The following DSTYK variants were observed in gnomAD, a reference collection of about 807,000 sequenced individuals.
DSTYK encodes dual serine/threonine and tyrosine protein kinase, also known as RIP-homologous kinase.
Under a neutral mutation model 98.7 loss-of-function variants are expected in DSTYK, and 34 were observed. That is an observed-to-expected ratio of 0.34 (90% CI 0.26 to 0.46). The LOEUF is 0.46. DSTYK is among the 20% of genes least tolerant of loss of function. The probability of loss-of-function intolerance (pLI) is 1.00; values close to 1 mark genes in which losing one functional copy is unlikely to be tolerated. For missense variants in DSTYK, 962 were observed against 1,181.7 expected (o/e 0.81, Z 2.73); for synonymous variants, 462 against 457.3 (o/e 1.01, Z -0.13).
intron 1 of DSTYK, chr1:205,202,129 G>A: frequency 2.0e-6 from 1 of 497,482 alleles, no homozygotes. Flanking sequence ...GGAAGGGAAG[G>A]GAAGGGGAAG....
At chr1:205,168,512 A>T (rs533556740) in intron 3 of DSTYK, among the ~76,000 whole-genome samples, 1 of 152,296 alleles carries the variant, frequency 6.6e-6, no homozygotes, top group African/African-American at 2.4e-5. Context: ...CTCCCAAGGG[A>T]TTAGGATACT....
chr1:205,198,834 CTTTT>C (rs5780273), intron 1 of DSTYK, among the ~76,000 whole-genome samples: 3 of 128,204 alleles, frequency 2.3e-5, no homozygotes, highest in Non-Finnish European at 1.6e-5. Context: ...GGCACTAAAG[CTTTT>C]TTTTTTTTTT....
At chr1:205,148,409 C>T (rs1657308064) in intron 11 of DSTYK, 70 bp from the exon 12 acceptor site, 11 of 1,593,086 alleles carry the variant, frequency 6.9e-6, no homozygotes, top group Middle Eastern at 3.3e-4. Context: ...ACCACCTTGC[C>T]TCAGTAGAGG....
chr1:205,202,507 T>C (rs552253181), intron 1 of DSTYK: 1 of 865,452 alleles, frequency 1.2e-6, no homozygotes, highest in East Asian at 2.4e-5. Context: ...ACTTAAGGGT[T>C]TAGATGTAGA....
intron 1 of DSTYK, among the ~76,000 whole-genome samples, chr1:205,195,456 C>G (rs1658838707): frequency 6.6e-6 from 1 of 152,196 alleles, no homozygotes; most frequent in African/African-American, 2.4e-5. Context: ...ATTTATCCTT[C>G]CTAAACAAGC....
intron 1 of DSTYK, among the ~76,000 whole-genome samples, chr1:205,208,224 A>G (rs567595743): frequency 1.3e-5 from 2 of 152,270 alleles, no homozygotes; most frequent in East Asian, 3.9e-4. Flanking sequence ...CATATTCTCT[A>G]CACTGACCCC....
At position 205,147,423 on chromosome 1, in the gene DSTYK, A is replaced by C. The variant is rs1207232916; in HGVS notation, c.*135T>G. On this transcript the variant is annotated 3_prime_UTR_variant, in exon 13 of 13. Coordinates refer to ENST00000367162, the MANE Select transcript of DSTYK (RefSeq NM_015375.3). ...GTCCAGGAGTCATCCCTGCCTGGGA[A>C]GGTTCCAAGTTTCCCAGCAAGCACC... The C allele has an allele frequency of 6.5e-6, 6 of 927,484 alleles. No homozygotes were observed. Among genetic ancestry groups the C allele is most frequent in the African/African-American group, 1.6e-5 (1 of 60,946 alleles). The allele number at this position is 927,484 out of a possible 1,614,324, so 57.5% of individuals were successfully genotyped here.
In DSTYK at chr1:205,161,330, G is replaced by T. The variant is rs752673167; in HGVS notation, c.1876C>A (p.Arg626=). The T allele has an allele frequency of 1.2e-6, 2 of 1,614,114 alleles. No individual in the cohort carries two copies. The highest frequency in any genetic ancestry group is 2.2e-5 in the South Asian group (2 of 91,080). ...GCCAGGCGGGGAGCATGATCTTTCC[G>T]AACCCTCAGCCATAGATCTTCCGTT... ...EKTEDLWLRV[R]KDHAPRLARL... Residue 626 remains arginine (R), a synonymous_variant, in exon 7 of 13, where the codon CGG becomes AGG. Coordinates refer to ENST00000367162, the MANE Select transcript of DSTYK (RefSeq NM_015375.3).
intron 2 of DSTYK, among the ~76,000 whole-genome samples, chr1:205,178,256 A>G (rs1032545332): frequency 6.6e-6 from 1 of 152,014 alleles, no homozygotes. Context: ...GACTTTAAGG[A>G]TCTCAACTCT....
chr1:205,194,830 G>C (rs1195202815), intron 1 of DSTYK, among the ~76,000 whole-genome samples: 1 of 150,746 alleles, frequency 6.6e-6, no homozygotes, highest in African/African-American at 2.4e-5. Context: ...CAAGTACCAA[G>C]TAGCTGGGAC....
intron 2 of DSTYK, among the ~76,000 whole-genome samples, chr1:205,174,823 C>T (rs1195346943): frequency 2.7e-5 from 4 of 148,536 alleles, no homozygotes; most frequent in African/African-American, 5.0e-5. Context: ...CTGCAACCTC[C>T]GCCTCCCAGG....
rs1658590485 is a variant in DSTYK at position 205,187,536 on chromosome 1, G to A, written c.536C>T (p.Ala179Val). 6.2e-7 allele frequency: 1 copy of A among 1,614,186 alleles called. No homozygotes were observed. The highest frequency in any genetic ancestry group is 8.5e-7 in the Non-Finnish European group (1 of 1,180,040). ...GATGGTCTCCCAGTTGCCCTGATGA[G>A]CAACCAGCGTGTGCACTAGTTCATA... is the stretch of plus-strand genomic sequence containing the variant. ...GQYELVHTLV[A>V]HQGNWETIPE... Residue 179 changes from alanine to valine, a missense_variant, in exon 2 of 13, where the codon GCT becomes GTT. By Grantham distance (64) the Ala-to-Val change is moderately conservative (BLOSUM62 0). Around this residue, in one of 4 missense-constraint regions of DSTYK, gnomAD observed 660 missense variants for 855.0 expected, o/e 0.77. Coordinates refer to ENST00000367162, the MANE Select transcript of DSTYK (RefSeq NM_015375.3).
intron 1 of DSTYK, among the ~76,000 whole-genome samples, chr1:205,208,068 C>A (rs77109912): frequency 6.6e-6 from 1 of 151,842 alleles, no homozygotes; most frequent in South Asian, 2.1e-4. Flanking sequence ...TTAATAGAGA[C>A]GGGGTTTCTC....
chr1:205,194,560 T>A (rs946404797), intron 1 of DSTYK, among the ~76,000 whole-genome samples: 6 of 143,784 alleles, frequency 4.2e-5, no homozygotes, highest in South Asian at 2.2e-4. Flanking sequence ...TTTTTTTTTT[T>A]AAAATAGAGA....
At chr1:205,183,308 T>G (rs184242445) in intron 2 of DSTYK, among the ~76,000 whole-genome samples, 1 of 152,316 alleles carries the variant, frequency 6.6e-6, no homozygotes, top group African/African-American at 2.4e-5. Context: ...GTGACTATAT[T>G]TGAACACTAA....
chr1:205,180,163 G>A (rs1458377968), intron 2 of DSTYK, among the ~76,000 whole-genome samples: 3 of 151,800 alleles, frequency 2.0e-5, no homozygotes, highest in Non-Finnish European at 4.4e-5. Context: ...GGAACGTGCA[G>A]GTTTGTTACA....
intron 6 of DSTYK, 150 bp downstream of exon 6, chr1:205,161,886 G>A (rs1657731426): frequency 1.7e-5 from 10 of 581,954 alleles, no homozygotes; most frequent in East Asian, 3.3e-5. Context: ...ATATACATAT[G>A]TGTGTGTGTG....
At chr1:205,192,455 C>A (rs974635371) in intron 1 of DSTYK, among the ~76,000 whole-genome samples, 1 of 152,018 alleles carries the variant, frequency 6.6e-6, no homozygotes, top group East Asian at 1.9e-4. Context: ...ACTCCTTGAC[C>A]CTGGGGAGGT....
chr1:205,169,647 T>C lies in DSTYK; in HGVS notation c.840A>G (p.Lys280=). The C allele has an allele frequency of 6.2e-7, 1 of 1,614,206 alleles. No individual in the cohort carries two copies. Among genetic ancestry groups the C allele is most frequent in the Non-Finnish European group, 8.5e-7 (1 of 1,180,026 alleles). The change falls in exon 3 of 13, where the codon AAA becomes AAG. Residue 280 remains lysine, a synonymous_variant. Coordinates refer to ENST00000367162, the MANE Select transcript of DSTYK (RefSeq NM_015375.3). The surrounding 1 kb of genome is among the most constrained non-coding windows in gnomAD (Gnocchi z 4.0). ...TTATCTCCGAGCCCAGTTTCGGCAC[T>C]TTGAAAAAGAATACAGGAAAGGAGA... is the stretch of plus-strand genomic sequence containing the variant. ...KYFSFPVFFF[K]VPKLGSEIID...
Sources: allele counts gnomAD v4.1 joint callset (sites outside exome capture counted in the v4.1 genomes callset), GRCh38; gene constraint gnomAD v4.1.1; regional missense constraint gnomAD v4.1.1; non-coding constraint Gnocchi (gnomAD v3.1); transcripts MANE v1.5; gene names NCBI Gene and HGNC (gene_info 2026-07-23, HGNC 2026-07-21).